The following KMT2C variants were observed in gnomAD, a reference collection of about 807,000 sequenced individuals.
The protein encoded by KMT2C is histone-lysine N-methyltransferase 2C.
A neutral mutation model predicts 507.9 loss-of-function variants in KMT2C; 88 were observed. The observed-to-expected ratio is 0.17, with a 90% CI of 0.15 to 0.21. The LOEUF is 0.21. Among genes scored for constraint, KMT2C ranks in the 10% least tolerant of loss-of-function variants. The probability of loss-of-function intolerance (pLI) is 1.00; values close to 1 mark genes in which losing one functional copy is unlikely to be tolerated. For missense variants in KMT2C, 4,954 were observed against 5,957.8 expected, an observed-to-expected ratio of 0.83 and a Z score of 5.55; for synonymous variants, 2,049 against 2,080.8, an observed-to-expected ratio of 0.98 and a Z score of 0.42.
At chr7:152,366,813 G>GGCC (rs1260143353) in intron 1 of KMT2C, 3 of 226,522 alleles carry the variant, frequency 1.3e-5, no homozygotes, top group South Asian at 9.9e-5. Flanking sequence ...GCTTCGGCCC[G>GGCC]GCCGCCGCCG....
At chr7:152,355,509 CG>C (rs2097144446) in intron 2 of KMT2C, among the ~76,000 whole-genome samples, 1 of 150,668 alleles carries the variant, frequency 6.6e-6, no homozygotes, top group Non-Finnish European at 1.5e-5. Flanking sequence ...AGAAGATGAG[CG>C]AAGAGAATGA....
chr7:152,189,894 G>A (rs950237619), intron 31 of KMT2C, among the ~76,000 whole-genome samples: 3 of 152,184 alleles, frequency 2.0e-5, no homozygotes, highest in Non-Finnish European at 1.5e-5. Context: ...CCCCAACTCT[G>A]GGGCCACAGA....
At chr7:152,360,847 CT>C (rs910714498) in intron 1 of KMT2C, among the ~76,000 whole-genome samples, 1 of 146,642 alleles carries the variant, frequency 6.8e-6, no homozygotes, top group Non-Finnish European at 1.5e-5. Flanking sequence ...GAAATTCTAT[CT>C]CAAAAAGAAA....
intron 1 of KMT2C, among the ~76,000 whole-genome samples, chr7:152,415,609 G>A (rs1589877898): frequency 3.3e-5 from 5 of 152,124 alleles, no homozygotes; most frequent in Admixed American, 6.5e-5. Context: ...AGGCTGACGC[G>A]GTGGCTCATG....
intron 6 of KMT2C, among the ~76,000 whole-genome samples, chr7:152,282,474 T>C (rs1046303333): frequency 9.8e-5 from 15 of 152,294 alleles, no homozygotes; most frequent in Admixed American, 3.9e-4. Context: ...ATTATAGTAC[T>C]CTTAACAACA....
At chr7:152,287,633 C>A (rs199950838) in intron 6 of KMT2C, among the ~76,000 whole-genome samples, 2 of 152,052 alleles carry the variant, frequency 1.3e-5, no homozygotes, top group Non-Finnish European at 2.9e-5. Flanking sequence ...AAAATCTGAA[C>A]AGGAATTTGA....
At chr7:152,241,735 A>G (rs2095390168) in intron 14 of KMT2C, among the ~76,000 whole-genome samples, 1 of 152,230 alleles carries the variant, frequency 6.6e-6, no homozygotes, top group Non-Finnish European at 1.5e-5. Flanking sequence ...GCTAACATAC[A>G]TCTTAAATTC....
intron 23 of KMT2C, among the ~76,000 whole-genome samples, chr7:152,213,750 TAA>T (rs922863914): frequency 6.6e-5 from 5 of 76,288 alleles, no homozygotes; most frequent in Admixed American, 1.3e-4. Context: ...TGCATAGCAA[TAA>T]AAAAAAAAAA....
intron 53 of KMT2C, among the ~76,000 whole-genome samples, chr7:152,145,605 A>G (rs1251431511): frequency 6.6e-6 from 1 of 152,216 alleles, no homozygotes; most frequent in Non-Finnish European, 1.5e-5. Context: ...GGCCTGACTG[A>G]AACACACAAT....
At chr7:152,227,215 T>C (rs1398760383) in intron 18 of KMT2C, among the ~76,000 whole-genome samples, 6 of 152,198 alleles carry the variant, frequency 3.9e-5, no homozygotes, top group Non-Finnish European at 7.3e-5. Flanking sequence ...CTTCAACAAT[T>C]TCTCCCTCTT....
At chr7:152,200,599 A>G (rs760073448) in intron 26 of KMT2C, among the ~76,000 whole-genome samples, 1 of 152,032 alleles carries the variant, frequency 6.6e-6, no homozygotes, top group East Asian at 1.9e-4. Context: ...GCATGCGCCA[A>G]CATGCCTGTA....
intron 18 of KMT2C, among the ~76,000 whole-genome samples, chr7:152,226,483 C>A (rs932854166): frequency 6.6e-6 from 1 of 152,060 alleles, no homozygotes; most frequent in Non-Finnish European, 1.5e-5. Flanking sequence ...CCACCTGCCT[C>A]GGCCTCCCAA....
chr7:152,319,052 T>G (rs2096747515), intron 3 of KMT2C, among the ~76,000 whole-genome samples: 2 of 152,106 alleles, frequency 1.3e-5, no homozygotes, highest in Admixed American at 1.3e-4. Context: ...ACCTAAGTAC[T>G]TAATATAAAC....
intron 9 of KMT2C, among the ~76,000 whole-genome samples, chr7:152,254,068 A>G (rs1311061167): frequency 6.6e-6 from 1 of 152,218 alleles, no homozygotes; most frequent in African/African-American, 2.4e-5. Flanking sequence ...ACCAGGAACC[A>G]TAGATCAGCT....
chr7:152,297,828 G>A (rs552948504), intron 6 of KMT2C, among the ~76,000 whole-genome samples: 2 of 152,240 alleles, frequency 1.3e-5, no homozygotes, highest in Admixed American at 1.3e-4. Flanking sequence ...CAATCATGAT[G>A]CAAACTGAAA....
intron 2 of KMT2C, among the ~76,000 whole-genome samples, chr7:152,339,239 TTC>T (rs1400702759): frequency 5.2e-5 from 8 of 152,384 alleles, no homozygotes; most frequent in African/African-American, 1.9e-4. Context: ...GAGAAATTAC[TTC>T]TTTATTTTTA....
intron 33 of KMT2C, 49 bp from the exon 34 acceptor site, chr7:152,185,680 A>T (rs765006464): frequency 5.2e-6 from 7 of 1,338,374 alleles, no homozygotes; most frequent in Non-Finnish European, 7.5e-6. Context: ...CATGCTAATG[A>T]TGTGTTGTAA....
At chr7:152,232,093 A>T (rs1045251303) in intron 16 of KMT2C, among the ~76,000 whole-genome samples, 16 of 151,976 alleles carry the variant, frequency 1.1e-4, no homozygotes, top group African/African-American at 3.9e-4. Flanking sequence ...GTTAGCCAGG[A>T]TGGTCTCGAT....
chr7:152,310,161 A>T (rs1401691559), intron 5 of KMT2C, 86 bp from the exon 6 acceptor site: 1 of 839,448 alleles, frequency 1.2e-6, no homozygotes, highest in Non-Finnish European at 1.9e-6. Context: ...CTTCAAAATC[A>T]ACTCTAATAT....
Sources: allele counts gnomAD v4.1 joint callset (sites outside exome capture counted in the v4.1 genomes callset), GRCh38; gene constraint gnomAD v4.1.1; transcripts MANE v1.5; gene names NCBI Gene and HGNC (gene_info 2026-07-23, HGNC 2026-07-21).